Variants in OSBPL6 observed in about 807,000 individuals in gnomAD.
OSBPL6 encodes oxysterol binding protein like 6.
Under a neutral mutation model 125.8 loss-of-function variants are expected in OSBPL6, and 49 were observed. That is an observed-to-expected ratio of 0.39 (90% confidence interval 0.31 to 0.49). OSBPL6 has a LOEUF of 0.49. OSBPL6 is among the 20% of genes least tolerant of loss of function. The probability of loss-of-function intolerance (pLI) is 0.88; values close to 1 mark genes in which losing one functional copy is unlikely to be tolerated. For synonymous variants in OSBPL6, 394 were observed against 391.8 expected, an observed-to-expected ratio of 1.01 and a Z score of -0.07; for missense variants, 986 against 1,135.4, an observed-to-expected ratio of 0.87 and a Z score of 1.89.
At chr2:178,346,836 A>T (rs1690763665) in intron 11 of OSBPL6, among the ~76,000 whole-genome samples, 1 of 152,180 alleles carries the variant, frequency 6.6e-6, no homozygotes, top group African/African-American at 2.4e-5. Flanking sequence ...TGAATTCCTC[A>T]ATTAAAATGG....
chr2:178,349,443 T>C lies in OSBPL6; in HGVS notation c.1153+54T>C. On this transcript the variant is annotated intron_variant, in intron 12 of 24. Transcript: ENST00000190611. ...AGAAGCTCTCTTCTTTGATGAAAGA[T>C]TATCCTTTGTTCTTTTATCTTTGTC... 3.2e-6 allele frequency: 5 copies of C among 1,551,232 alleles called. No homozygotes were observed. In the South Asian group the frequency reaches 3.4e-5, roughly 11 times the overall value.
chr2:178,218,393 T>TA (rs757915872), intron 1 of OSBPL6, among the ~76,000 whole-genome samples: 143 of 115,138 alleles, frequency 1.2e-3, no homozygotes, highest in South Asian at 2.1e-3. Context: ...TAAGCATTAT[T>TA]AAAAAAAAAA....
At chr2:178,223,499 G>A (rs1027806542) in intron 1 of OSBPL6, among the ~76,000 whole-genome samples, 1 of 152,144 alleles carries the variant, frequency 6.6e-6, no homozygotes, top group South Asian at 2.1e-4. Context: ...TATATCTTTC[G>A]ATATTGGCTC....
intron 1 of OSBPL6, among the ~76,000 whole-genome samples, chr2:178,253,878 A>T (rs1245705028): frequency 2.0e-5 from 3 of 152,194 alleles, no homozygotes; most frequent in Non-Finnish European, 4.4e-5. Flanking sequence ...TTGAGTCATG[A>T]GAGCTCTGCC....
chr2:178,400,811 G>A lies in OSBPL6; in HGVS notation c.*5252G>A, dbSNP rs1035670885. On this transcript the variant is annotated 3_prime_UTR_variant, in exon 25 of 25. Coordinates refer to ENST00000190611, the MANE Select transcript of OSBPL6 (RefSeq NM_032523.4). ...GCTTTTATTATTTTTAAAAGTTAGC[G>A]TATTTTCTTATATGTATTGCATATG... is the stretch of plus-strand genomic sequence containing the variant. The A allele has an allele frequency of 4.6e-5, 7 of 152,146 alleles. No homozygotes were observed. Among genetic ancestry groups the A allele is most frequent in the Admixed American group, 2.0e-4 (3 of 15,300 alleles). 9.4% of individuals were successfully genotyped at this position (152,146 alleles called of 1,614,324 possible). A position where few individuals can be genotyped will look rare whatever the true frequency, so the allele number is the denominator to read the frequency against.
At position 178,401,363 on chromosome 2, in the gene OSBPL6, A is replaced by G. The variant is rs1025818813; in HGVS notation, c.*5804A>G. 1 of 152,170 alleles carries G rather than the reference A, an allele frequency of 6.6e-6. No homozygotes were observed. The highest frequency in any genetic ancestry group is 2.4e-5 in the African/African-American group (1 of 41,436). The allele number at this position is 152,170 out of a possible 1,614,324, so 9.4% of individuals were successfully genotyped here. Reference sequence around the variant, plus strand: ...AATTCTGCTAATATCCTCTCTCCCCATCTGGAAACAAAGTTACTAAACCTA... The same window carrying G: ...AATTCTGCTAATATCCTCTCTCCCCGTCTGGAAACAAAGTTACTAAACCTA... On this transcript the variant is annotated 3_prime_UTR_variant, in exon 25 of 25. Transcript: ENST00000190611.
At chr2:178,247,391 T>A (rs750078412) in intron 1 of OSBPL6, among the ~76,000 whole-genome samples, 1 of 152,144 alleles carries the variant, frequency 6.6e-6, no homozygotes, top group African/African-American at 2.4e-5. Context: ...TCTCTTTGCT[T>A]CATGGTTTCT....
At chr2:178,245,884 A>G (rs2091469358) in intron 1 of OSBPL6, among the ~76,000 whole-genome samples, 1 of 152,196 alleles carries the variant, frequency 6.6e-6, no homozygotes, top group African/African-American at 2.4e-5. Flanking sequence ...ATTCCATAGT[A>G]CATCCTATAG....
At position 178,334,035 on chromosome 2, in the gene OSBPL6, C is replaced by T. The variant is rs965187322; in HGVS notation, c.657+994C>T. ...CAGGTGCCAGACTAAGGGAGGCTGA[C>T]CTTGTTCTCTGGGCTGAAATAAGAG... On this transcript the variant is annotated intron_variant, in intron 8 of 24. Coordinates refer to ENST00000190611, the MANE Select transcript of OSBPL6 (RefSeq NM_032523.4). Among the ~76,000 whole-genome samples, 5 of 152,208 alleles carry T rather than the reference C, an allele frequency of 3.3e-5. No homozygotes were observed. In the East Asian group the frequency reaches 9.6e-4, roughly 29 times the overall value.
At chr2:178,360,023 G>A (rs1385645152) in intron 12 of OSBPL6, among the ~76,000 whole-genome samples, 1 of 152,038 alleles carries the variant, frequency 6.6e-6, no homozygotes, top group Non-Finnish European at 1.5e-5. Flanking sequence ...GGAGGCGGAA[G>A]TTGTAATGAG....
At chr2:178,266,705 T>C (rs1286349476) in intron 1 of OSBPL6, among the ~76,000 whole-genome samples, 1 of 152,180 alleles carries the variant, frequency 6.6e-6, no homozygotes, top group Non-Finnish European at 1.5e-5. Context: ...GCTTCAAGAA[T>C]CACTATGTGC....
intron 13 of OSBPL6, among the ~76,000 whole-genome samples, chr2:178,367,899 A>G (rs945236044): frequency 2.0e-5 from 3 of 152,136 alleles, no homozygotes; most frequent in Admixed American, 2.0e-4. Flanking sequence ...CCTGTATGCC[A>G]CTAATAGCGA....
At chr2:178,245,917 G>A (rs2091471634) in intron 1 of OSBPL6, among the ~76,000 whole-genome samples, 2 of 152,178 alleles carry the variant, frequency 1.3e-5, no homozygotes, top group Admixed American at 1.3e-4. Context: ...GGGAAAGGCT[G>A]ATGTTTGTGT....
At chr2:178,350,761 T>A (rs578249518) in intron 12 of OSBPL6, among the ~76,000 whole-genome samples, 1 of 152,328 alleles carries the variant, frequency 6.6e-6, no homozygotes, top group South Asian at 2.1e-4. Context: ...CAGTAACTTC[T>A]ACTTTGGGGA....
chr2:178,324,090 A>T, intron 3 of OSBPL6, 87 bp from the exon 4 acceptor site: 1 of 812,496 alleles, frequency 1.2e-6, no homozygotes, highest in Non-Finnish European at 1.9e-6. Flanking sequence ...CACTGTTTTG[A>T]CTGTGTTGTG....
At chr2:178,360,420 A>G (rs1319156022) in intron 12 of OSBPL6, among the ~76,000 whole-genome samples, 3 of 152,206 alleles carry the variant, frequency 2.0e-5, no homozygotes, top group African/African-American at 7.2e-5. Flanking sequence ...AATTTGTTCC[A>G]CCACAGTAAC....
intron 1 of OSBPL6, among the ~76,000 whole-genome samples, chr2:178,245,114 G>A (rs903631722): frequency 2.6e-5 from 4 of 152,146 alleles, no homozygotes; most frequent in Admixed American, 6.5e-5. Flanking sequence ...CGTGTCTTTC[G>A]TTGATAGTGG....
intron 12 of OSBPL6, among the ~76,000 whole-genome samples, chr2:178,352,888 C>T (rs1266183623): frequency 6.6e-6 from 1 of 152,138 alleles, no homozygotes; most frequent in Admixed American, 6.5e-5. Flanking sequence ...ACGAAGCTTC[C>T]AGAGGAAGGA....
At chr2:178,312,486 C>T (rs545807428) in intron 3 of OSBPL6, among the ~76,000 whole-genome samples, 11 of 145,186 alleles carry the variant, frequency 7.6e-5, no homozygotes, top group Admixed American at 2.7e-4. Flanking sequence ...GACAGAGTTT[C>T]GCTTTGTTGC....
Sources: allele counts gnomAD v4.1 joint callset (sites outside exome capture counted in the v4.1 genomes callset), GRCh38; gene constraint gnomAD v4.1.1; transcripts MANE v1.5; gene names NCBI Gene and HGNC (gene_info 2026-07-23, HGNC 2026-07-21).